The following CELF4 variants were observed in gnomAD, a reference collection of about 807,000 sequenced individuals.
The protein encoded by CELF4 is CUGBP Elav-like family member 4.
Under a neutral mutation model 59.9 loss-of-function variants are expected in CELF4, and 18 were observed. The ratio of observed to expected loss-of-function variants is 0.30; its 90% CI spans 0.21 to 0.45. CELF4 has a LOEUF of 0.45. CELF4 is among the 20% of genes least tolerant of loss of function. The pLI, the probability that CELF4 is intolerant of heterozygous loss-of-function variation, is 1.00. For synonymous variants in CELF4, 261 were observed against 267.1 expected (o/e 0.98, Z 0.22); for missense variants, 456 against 689.0 (o/e 0.66, Z 3.79).
intron 3 of CELF4, among the ~76,000 whole-genome samples, chr18:37,283,924 C>CAACAT (rs2154392142): frequency 6.7e-6 from 1 of 150,164 alleles, no homozygotes; most frequent in East Asian, 2.0e-4. Flanking sequence ...TACACACACA[C>CAACAT]ACACACCAAT....
chr18:37,535,911 T>C (rs2099973105), intron 1 of CELF4, among the ~76,000 whole-genome samples: 1 of 152,212 alleles, frequency 6.6e-6, no homozygotes. Context: ...GAGGGCCTTG[T>C]GGCTGAACAA....
intron 2 of CELF4, among the ~76,000 whole-genome samples, chr18:37,332,233 C>G (rs1009850621): frequency 2.0e-5 from 3 of 152,106 alleles, no homozygotes; most frequent in African/African-American, 7.2e-5. Flanking sequence ...AGAATGACCC[C>G]TCACTCCAGT....
chr18:37,548,140 CTGTG>C (rs368524105), intron 1 of CELF4, among the ~76,000 whole-genome samples: 2 of 150,984 alleles, frequency 1.3e-5, no homozygotes, highest in East Asian at 1.9e-4. Context: ...GTACACATCT[CTGTG>C]TGTGTGTGTG....
chr18:37,274,784 C>T (rs1483308774), intron 5 of CELF4, 21 bp downstream of exon 5: 7 of 1,563,906 alleles, frequency 4.5e-6, no homozygotes, highest in Admixed American at 1.9e-5. Context: ...CTCGCCCCCG[C>T]CCCAAGGGGC....
At chr18:37,520,236 T>A (rs923661041) in intron 1 of CELF4, among the ~76,000 whole-genome samples, 1 of 152,124 alleles carries the variant, frequency 6.6e-6, no homozygotes, top group African/African-American at 2.4e-5. Flanking sequence ...TCTCTGTTCA[T>A]GTGCTGGGCC....
rs1384965881 is a variant in CELF4 at position 37,266,603 on chromosome 18, A to AG, written c.1100-6dup. The AG allele has an allele frequency of 1.9e-6, 3 of 1,581,554 alleles. No individual in the cohort carries two copies. The highest frequency in any genetic ancestry group is 3.7e-5 in the Admixed American group (2 of 54,048). On this transcript the variant is annotated splice_region_variant and splice_polypyrimidine_tract_variant and intron_variant, in intron 8 of 12. Coordinates refer to ENST00000420428, the MANE Select transcript of CELF4 (RefSeq NM_020180.4). ...CCGCGGCGGTGGGGCTCTGTGCTGT[A>AG]GGGAGCCAAGGGGACAGAGGTCAGC... is the stretch of plus-strand genomic sequence containing the variant.
intron 1 of CELF4, among the ~76,000 whole-genome samples, chr18:37,520,520 T>G (rs923693717): frequency 6.6e-6 from 1 of 151,858 alleles, no homozygotes; most frequent in Non-Finnish European, 1.5e-5. Flanking sequence ...GGTAACAGGC[T>G]TCGGGTTGCT....
intron 10 of CELF4, among the ~76,000 whole-genome samples, chr18:37,262,265 GGGGTGGCTCAACCCATGGACCAT>G (rs2075118357): frequency 6.6e-6 from 1 of 152,178 alleles, no homozygotes; most frequent in African/African-American, 2.4e-5. Flanking sequence ...CTGCATCCCT[GGGGTGGCTCAACCCATGGACCAT>G]GGCCTGGGAG....
chr18:37,534,633 G>A (rs889733962), intron 1 of CELF4, among the ~76,000 whole-genome samples: 3 of 152,104 alleles, frequency 2.0e-5, no homozygotes, highest in Admixed American at 6.5e-5. Flanking sequence ...TTCAACCGAC[G>A]AACTTCACTA....
Position 37,565,406 on chromosome 18 carries a change from T to G in CELF4, c.236A>C (p.Lys79Thr), listed in dbSNP as rs1170431214. 6.2e-7 allele frequency: 1 copy of G among 1,611,170 alleles called. No homozygotes were observed. Among genetic ancestry groups the G allele is most frequent in the Admixed American group, 1.7e-5 (1 of 59,872 alleles). Residue 79 changes from lysine to threonine, a missense_variant, in exon 1 of 13, where the codon AAA (lysine) becomes ACA (threonine). This residue lies in a region of CELF4 where 63 missense variants were observed against 110.6 expected (regional missense o/e 0.57). Transcript: ENST00000420428. ...DLKPLFEEFG[K>T]IYELTVLKDR... ...CTTCAGAACCGTAAGCTCGTAGATT[T>G]TGCCAAACTCCTCGAAGAGGGGCTT...
chr18:37,515,642 A>T (rs1291378022), intron 1 of CELF4, among the ~76,000 whole-genome samples: 2 of 152,144 alleles, frequency 1.3e-5, no homozygotes, highest in Admixed American at 1.3e-4. Context: ...GACCCACCCG[A>T]GGGATGGTAT....
At chr18:37,255,289 C>T (rs917896979) in intron 11 of CELF4, among the ~76,000 whole-genome samples, 11 of 151,824 alleles carry the variant, frequency 7.2e-5, no homozygotes, top group African/African-American at 2.7e-4. Context: ...GGACTTCTCT[C>T]CAAGAAAGAG....
At chr18:37,376,682 A>T (rs2098973660) in intron 2 of CELF4, among the ~76,000 whole-genome samples, 1 of 152,176 alleles carries the variant, frequency 6.6e-6, no homozygotes, top group Non-Finnish European at 1.5e-5. Context: ...ACCTTGGTGG[A>T]AAATAGGCAA....
At chr18:37,398,394 T>C (rs566887206) in intron 2 of CELF4, among the ~76,000 whole-genome samples, 4 of 152,166 alleles carry the variant, frequency 2.6e-5, no homozygotes, top group Non-Finnish European at 5.9e-5. Flanking sequence ...GAATCTCCCT[T>C]CGTGGACTGT....
At chr18:37,320,755 C>T (rs567031371) in intron 3 of CELF4, among the ~76,000 whole-genome samples, 2 of 152,284 alleles carry the variant, frequency 1.3e-5, no homozygotes, top group South Asian at 4.1e-4. Context: ...GACTAGTGAT[C>T]AAGAAGGACA....
chr18:37,350,512 C>T (rs1434171373), intron 2 of CELF4, among the ~76,000 whole-genome samples: 2 of 152,140 alleles, frequency 1.3e-5, no homozygotes, highest in Admixed American at 1.3e-4. Flanking sequence ...TGTCACAGAG[C>T]CTGTCCGATC....
chr18:37,430,506 A>AGCGG (rs2099642348), intron 2 of CELF4, among the ~76,000 whole-genome samples: 1 of 152,204 alleles, frequency 6.6e-6, no homozygotes, highest in South Asian at 2.1e-4. Context: ...GATGGTGTGT[A>AGCGG]GCGCAGTAAC....
intron 1 of CELF4, among the ~76,000 whole-genome samples, chr18:37,528,648 C>T (rs55678250): frequency 0.21 from 31,196 of 151,978 alleles, 4,046 homozygotes; most frequent in Non-Finnish European, 0.27. Flanking sequence ...TGTGTCTGTA[C>T]GTGAGATATT....
At chr18:37,279,791 G>A (rs189172503) in intron 3 of CELF4, among the ~76,000 whole-genome samples, 64 of 152,298 alleles carry the variant, frequency 4.2e-4, no homozygotes, top group African/African-American at 1.4e-3. Context: ...GCAGGACCCC[G>A]GATAACACCA....
Sources: gnomAD v4.1 joint callset for allele counts (sites outside exome capture counted in the v4.1 genomes callset) on GRCh38, gnomAD v4.1.1 for gene constraint, gnomAD v4.1.1 regional missense constraint, MANE v1.5 for transcripts, NCBI Gene and HGNC (gene_info 2026-07-23, HGNC 2026-07-21) for gene names.